Variants in PBX4 observed in about 807,000 individuals in gnomAD.
PBX4 encodes pre-B-cell leukemia transcription factor 4.
A neutral mutation model predicts 35.1 loss-of-function variants in PBX4; 26 were observed. That is an observed-to-expected ratio of 0.74 (90% CI 0.54 to 1.03). PBX4 has a LOEUF of 1.03. Among genes scored for constraint, PBX4 ranks in the 50% least tolerant of loss-of-function variants. The probability of loss-of-function intolerance (pLI) is 0.00; values close to 1 mark genes in which losing one functional copy is unlikely to be tolerated. For synonymous variants in PBX4, 199 were observed against 204.2 expected (o/e 0.97, Z 0.22); for missense variants, 448 against 504.3 (o/e 0.89, Z 1.07).
rs10410736 is a variant in PBX4, at chr19:19,569,263, T to C, written c.768+186A>G. Among the ~76,000 whole-genome samples, 577 of 152,260 alleles carry C rather than the reference T, an allele frequency of 3.8e-3. 5 individuals are homozygous for C. The highest frequency in any genetic ancestry group is 0.013 in the African/African-American group (536 of 41,554). On this transcript the variant is annotated intron_variant, in intron 5 of 7. Coordinates refer to ENST00000251203, the MANE Select transcript of PBX4 (RefSeq NM_025245.3). ...TTTGTAGAGACAGTGTCTCACTATG[T>C]TGCCCAGGCTGGTCTCGAACTCCTG...
chr19:19,574,128 C>T (rs185618397), intron 2 of PBX4, among the ~76,000 whole-genome samples: 1 of 152,140 alleles, frequency 6.6e-6, no homozygotes, highest in East Asian at 1.9e-4. Flanking sequence ...CCACCCGCCT[C>T]GGCCTCCCAA....
intron 1 of PBX4, among the ~76,000 whole-genome samples, chr19:19,612,825 C>A (rs935589401): frequency 6.7e-6 from 1 of 149,310 alleles, no homozygotes; most frequent in Non-Finnish European, 1.5e-5. Context: ...CCCCCCACCA[C>A]ACCATTTAAT....
intron 2 of PBX4, among the ~76,000 whole-genome samples, chr19:19,582,478 G>A (rs2061461635): frequency 1.3e-5 from 2 of 152,106 alleles, no homozygotes; most frequent in Admixed American, 1.3e-4. Context: ...AGACACCAAG[G>A]GAAATCCAGG....
At chr19:19,591,356 C>T (rs561076203) in intron 2 of PBX4, among the ~76,000 whole-genome samples, 3 of 152,266 alleles carry the variant, frequency 2.0e-5, no homozygotes, top group East Asian at 1.9e-4. Context: ...GACCAGCTGA[C>T]GAGGAAGGGA....
chr19:19,596,386 A>AAATAAATAAATT (rs2061561279), intron 2 of PBX4, among the ~76,000 whole-genome samples: 2 of 149,678 alleles, frequency 1.3e-5, no homozygotes, highest in African/African-American at 5.1e-5. Flanking sequence ...ATAAATAAAT[A>AAATAAATAAATT]AACAAACAAA....
chr19:19,567,240 G>T (rs1291967405), intron 5 of PBX4, among the ~76,000 whole-genome samples: 1 of 152,194 alleles, frequency 6.6e-6, no homozygotes, highest in African/African-American at 2.4e-5. Context: ...CAGGGGCCTT[G>T]AAGACCCAGA....
At position 19,570,800 on chromosome 19, in the gene PBX4, G is replaced by T. The variant is rs1056130210; in HGVS notation, c.227C>A (p.Pro76His). 2 of 1,614,092 alleles carry T rather than the reference G, an allele frequency of 1.2e-6. No homozygotes were observed. Among genetic ancestry groups the T allele is most frequent in the Middle Eastern group, 1.6e-4 (1 of 6,062 alleles). The change falls in exon 3 of 8, where the codon CCC becomes CAC. Residue 76 changes from proline to histidine, a missense_variant. Coordinates refer to ENST00000251203, the MANE Select transcript of PBX4 (RefSeq NM_025245.3). Reference sequence around the variant, plus strand: ...CAGCCTCAGGAGCTGGGCGTCAGGGGGATCTTCGTCTTGAATGCCACGGAT... The same window carrying T: ...CAGCCTCAGGAGCTGGGCGTCAGGGTGATCTTCGTCTTGAATGCCACGGAT... ...VSIRGIQDEDPPDAQLLRLDN... is the reference protein window; with the variant it reads ...VSIRGIQDEDHPDAQLLRLDN...
chr19:19,610,857 TAAG>T (rs1191998445), intron 1 of PBX4, among the ~76,000 whole-genome samples: 1 of 152,200 alleles, frequency 6.6e-6, no homozygotes, highest in Admixed American at 6.6e-5. Context: ...GCAAGCAAGC[TAAG>T]AAGAAAGACT....
chr19:19,585,573 A>G (rs565676332), intron 2 of PBX4, among the ~76,000 whole-genome samples: 8 of 152,318 alleles, frequency 5.3e-5, no homozygotes, highest in Admixed American at 4.6e-4. Context: ...AAGCTAAGCC[A>G]TCATATCCCT....
In PBX4 at chr19:19,599,284, C is replaced by G. The variant is rs1346257557; in HGVS notation, c.193+8G>C. On this transcript the variant is annotated splice_region_variant and intron_variant, in intron 2 of 7. Coordinates refer to ENST00000251203, the MANE Select transcript of PBX4 (RefSeq NM_025245.3). Reference sequence around the variant, plus strand: ...GCTCGGCCAGAAAGTGTCTTCTAAACAGCCTACCTGTCTTTTCCTTGATCT... The same window carrying G: ...GCTCGGCCAGAAAGTGTCTTCTAAAGAGCCTACCTGTCTTTTCCTTGATCT... The G allele has an allele frequency of 6.2e-7, 1 of 1,607,532 alleles. No individual in the cohort carries two copies. The highest frequency in any genetic ancestry group is 1.7e-5 in the Admixed American group (1 of 59,788).
In PBX4 at chr19:19,563,769, G is replaced by T. The variant is rs747408614; in HGVS notation, c.926-154C>A. The stretch of plus-strand genomic sequence containing the variant: ...TCAGCCCCCACCCAGGCAGGCCAGC[G>T]GGCCCTCCCCACCACACTACTCATG... On this transcript the variant is annotated intron_variant, in intron 6 of 7. Transcript: ENST00000251203. The surrounding 1 kb of genome is among the most constrained non-coding windows in gnomAD (Gnocchi z 5.1). 6 of 678,180 alleles carry T rather than the reference G, an allele frequency of 8.8e-6. No individual in the cohort carries two copies. The highest frequency in any genetic ancestry group is 3.6e-5 in the African/African-American group (2 of 55,922). The allele number at this position is 678,180 out of a possible 1,614,324, so 42.0% of individuals were successfully genotyped here.
At chr19:19,584,043 TG>T (rs1273318187) in intron 2 of PBX4, among the ~76,000 whole-genome samples, 1 of 152,044 alleles carries the variant, frequency 6.6e-6, no homozygotes, top group East Asian at 1.9e-4. Context: ...CACTACAGCC[TG>T]GGCAACAAGA....
intron 1 of PBX4, among the ~76,000 whole-genome samples, chr19:19,616,269 C>A (rs192367167): frequency 8.0e-4 from 122 of 152,244 alleles, no homozygotes; most frequent in Non-Finnish European, 1.8e-4. Context: ...TATTTTTCCC[C>A]ATTGCAACTG....
At chr19:19,598,913 CTT>C (rs34982058) in intron 2 of PBX4, among the ~76,000 whole-genome samples, 1,498 of 112,516 alleles carry the variant, frequency 0.013, 29 homozygotes, top group South Asian at 0.071. Flanking sequence ...CAGGAAGTGC[CTT>C]TTTTTTTTTT....
intron 2 of PBX4, among the ~76,000 whole-genome samples, chr19:19,579,013 T>G (rs2061437295): frequency 6.6e-6 from 1 of 152,182 alleles, no homozygotes; most frequent in Non-Finnish European, 1.5e-5. Flanking sequence ...GTCTGGGACT[T>G]TCTAGGCCCC....
At chr19:19,577,932 C>A (rs1320748606) in intron 2 of PBX4, among the ~76,000 whole-genome samples, 1 of 148,604 alleles carries the variant, frequency 6.7e-6, no homozygotes. Context: ...AATTCCAGCA[C>A]TTTGGGAGGC....
At chr19:19,614,197 T>C (rs1196790020) in intron 1 of PBX4, among the ~76,000 whole-genome samples, 1 of 151,150 alleles carries the variant, frequency 6.6e-6, no homozygotes, top group Non-Finnish European at 1.5e-5. Flanking sequence ...CATTCATTGG[T>C]GGTTTGAGGC....
intron 1 of PBX4, 126 bp from the exon 2 acceptor site, chr19:19,599,491 C>T (rs972308213): frequency 8.4e-5 from 65 of 772,998 alleles, no homozygotes; most frequent in African/African-American, 8.1e-4. Context: ...GTAGATAAGT[C>T]GCCTTATGAA....
chr19:19,572,854 CAAAAAAAAAAA>C (rs36044843), intron 2 of PBX4, among the ~76,000 whole-genome samples: 25 of 70,094 alleles, frequency 3.6e-4, no homozygotes, highest in East Asian at 1.7e-3. Context: ...GACTCCGTCT[CAAAAAAAAAAA>C]AAAAAAAAAA....
Sources: allele counts gnomAD v4.1 joint callset (sites outside exome capture counted in the v4.1 genomes callset), GRCh38; gene constraint gnomAD v4.1.1; non-coding constraint Gnocchi (gnomAD v3.1); transcripts MANE v1.5; gene names NCBI Gene and HGNC (gene_info 2026-07-23, HGNC 2026-07-21).